The following HERC6 variants were observed in gnomAD, a reference collection of about 807,000 sequenced individuals.
HERC6 encodes the protein probable E3 ubiquitin-protein ligase HERC6.
HERC6 carries 101 observed loss-of-function variants against 114.5 expected under a neutral mutation model. That is an observed-to-expected ratio of 0.88 (90% CI 0.75 to 1.04). The LOEUF (loss-of-function observed/expected upper bound fraction) is 1.04, where lower values mean the gene tolerates loss of function less well. Among genes scored for constraint, HERC6 ranks in the 50% least tolerant of loss-of-function variants. The pLI is 0.00. For missense variants in HERC6, 1,133 were observed against 1,230.9 expected (o/e 0.92, Z 1.19); for synonymous variants, 408 against 436.2 (o/e 0.94, Z 0.81).
At chr4:88,404,726 C>T in intron 8 of HERC6, 150 bp from the exon 9 acceptor site, 1 of 946,082 alleles carries the variant, frequency 1.1e-6, no homozygotes, top group East Asian at 2.9e-5. Context: ...TGGAATAGCC[C>T]TACCGGTCTG....
At chr4:88,379,625 TATATATATATAAAA>T (rs1354070281) in intron 1 of HERC6, among the ~76,000 whole-genome samples, 7 of 128,372 alleles carry the variant, frequency 5.5e-5, no homozygotes, top group African/African-American at 1.5e-4. Flanking sequence ...CATTAAAAAA[TATATATATATAAAA>T]ATATATATAT....
chr4:88,380,414 A>AAT (rs1166979099), intron 1 of HERC6, among the ~76,000 whole-genome samples: 1 of 90,020 alleles, frequency 1.1e-5, no homozygotes, highest in Non-Finnish European at 2.0e-5. Context: ...ATAATATATA[A>AAT]ATATATATAT....
intron 10 of HERC6, among the ~76,000 whole-genome samples, 154 bp downstream of exon 10, chr4:88,405,767 A>G (rs1428503568): frequency 6.6e-6 from 1 of 152,200 alleles, no homozygotes; most frequent in Non-Finnish European, 1.5e-5. Context: ...CTTTCATTTT[A>G]TGAAGTAATT....
chr4:88,407,930 G>A (rs572277739), intron 10 of HERC6, among the ~76,000 whole-genome samples: 1 of 152,282 alleles, frequency 6.6e-6, no homozygotes, highest in Admixed American at 6.5e-5. Context: ...GAAGGCTGGA[G>A]GTTTGACTTG....
rs561027864 is a variant in HERC6 at position 88,408,905 on chromosome 4, G to A, written c.1368+288G>A. Among the ~76,000 whole-genome samples the A allele has an allele frequency of 1.8e-4, 28 of 152,258 alleles. No homozygotes were observed. In the South Asian group the frequency reaches 5.0e-3, roughly 27 times the overall value. ...TTTCAAAGACAGTTTGGTGGGCAGG[G>A]GGCTAGGGTAGGGGGCATGCTGACT... On this transcript the variant is annotated intron_variant, in intron 11 of 22. Coordinates refer to ENST00000264346, the MANE Select transcript of HERC6 (RefSeq NM_017912.4).
At chr4:88,410,369 A>T (rs1007135869) in intron 11 of HERC6, among the ~76,000 whole-genome samples, 2 of 152,320 alleles carry the variant, frequency 1.3e-5, no homozygotes, top group South Asian at 4.1e-4. Flanking sequence ...GGCATCAGAT[A>T]TGCATCTATC....
chr4:88,389,648 A>C (rs1734785861), intron 3 of HERC6, among the ~76,000 whole-genome samples: 1 of 152,244 alleles, frequency 6.6e-6, no homozygotes, highest in East Asian at 1.9e-4. Flanking sequence ...CATTGTTTGA[A>C]GGGACTTTTG....
At chr4:88,416,257 A>G (rs1736465850) in intron 12 of HERC6, among the ~76,000 whole-genome samples, 1 of 152,242 alleles carries the variant, frequency 6.6e-6, no homozygotes, top group Non-Finnish European at 1.5e-5. Flanking sequence ...GTCAATGACC[A>G]TAATTCTGCA....
At chr4:88,417,247 T>A (rs970919981) in intron 12 of HERC6, among the ~76,000 whole-genome samples, 178 bp from the exon 13 acceptor site, 2 of 152,160 alleles carry the variant, frequency 1.3e-5, no homozygotes, top group Non-Finnish European at 2.9e-5. Flanking sequence ...GGGAAAAAAA[T>A]TTCCACATCT....
chr4:88,400,360 C>T (rs1340780666), intron 8 of HERC6, among the ~76,000 whole-genome samples: 1 of 152,150 alleles, frequency 6.6e-6, no homozygotes. Context: ...CACCACAATG[C>T]CCAGCTGGTT....
intron 2 of HERC6, among the ~76,000 whole-genome samples, chr4:88,383,764 A>G (rs1429982057): frequency 2.4e-5 from 1 of 41,376 alleles, no homozygotes; most frequent in Non-Finnish European, 4.7e-5. Flanking sequence ...ACTCAGTCTC[A>G]AAAAAAAAAA....
rs369919146 is a variant in HERC6 at position 88,402,102 on chromosome 4, T to C, written c.1093-2774T>C. The stretch of plus-strand genomic sequence containing the variant: ...AATCATGGACAAACAACAGGGCTAA[T>C]TGATTGGAGATCCAGGCGGACAAAA... On this transcript the variant is annotated intron_variant, in intron 8 of 22. Transcript: ENST00000264346. Among the ~76,000 whole-genome samples the C allele has an allele frequency of 1.3e-4, 20 of 152,246 alleles. No homozygotes were observed. The South Asian group carries it at 3.9e-3, about 30-fold the overall frequency.
At chr4:88,395,964 T>C in intron 5 of HERC6, 51 bp from the exon 6 acceptor site, 1 of 1,525,526 alleles carries the variant, frequency 6.6e-7, no homozygotes, top group South Asian at 1.3e-5. Context: ...AGTAAGCTTT[T>C]AGTTACCTTG....
chr4:88,421,536 C>T (rs987508628), intron 13 of HERC6, among the ~76,000 whole-genome samples: 6 of 151,896 alleles, frequency 4.0e-5, no homozygotes, highest in African/African-American at 1.5e-4. Flanking sequence ...CCACCTCCAC[C>T]TCCCAGGTTC....
intron 13 of HERC6, among the ~76,000 whole-genome samples, chr4:88,421,860 A>G (rs996244604): frequency 1.3e-5 from 2 of 152,162 alleles, no homozygotes; most frequent in Non-Finnish European, 2.9e-5. Context: ...CTTGATGGCT[A>G]ATGATGTTGA....
At chr4:88,390,491 G>T (rs1734850335) in intron 3 of HERC6, among the ~76,000 whole-genome samples, 161 bp from the exon 4 acceptor site, 2 of 152,110 alleles carry the variant, frequency 1.3e-5, no homozygotes, top group African/African-American at 4.8e-5. Context: ...CAATGTATAT[G>T]TATTTCAGCT....
Position 88,378,985 on chromosome 4 carries a change from G to A in HERC6, c.64G>A (p.Gly22Arg), listed in dbSNP as rs1226711692. The stretch of plus-strand genomic sequence containing the variant: ...GCGCCGGAGGACGGCGGGCAGCCCC[G>A]GGGCTGAGCTACTGCAGGCGGCCAG... ...LQRRRTAGSP[G>R]AELLQAASGE... Residue 22 changes from glycine (G) to arginine (R), a missense_variant, in exon 1 of 23, where the codon GGG becomes AGG. By Grantham distance (125) the Gly-to-Arg change is moderately radical. Around this residue, in one of 3 missense-constraint regions of HERC6, gnomAD observed 735 missense variants for 754.0 expected, o/e 0.97. Coordinates refer to ENST00000264346, the MANE Select transcript of HERC6 (RefSeq NM_017912.4). The A allele has an allele frequency of 3.2e-6, 5 of 1,581,552 alleles. No individual in the cohort carries two copies. Among genetic ancestry groups the A allele is most frequent in the East Asian group, 4.7e-5 (2 of 42,976 alleles).
At chr4:88,392,772 C>G (rs780966968) in intron 4 of HERC6, among the ~76,000 whole-genome samples, 1 of 152,152 alleles carries the variant, frequency 6.6e-6, no homozygotes, top group Non-Finnish European at 1.5e-5. Context: ...TTGCAAGTAA[C>G]CTTACTAAAT....
intron 22 of HERC6, 78 bp downstream of exon 22, chr4:88,440,328 T>C (rs1739222112): frequency 1.2e-6 from 1 of 843,120 alleles, no homozygotes; most frequent in South Asian, 1.6e-5. Flanking sequence ...ATGAAGCCAT[T>C]GAAGTGGCCT....
Sources: gnomAD v4.1 joint callset for allele counts (sites outside exome capture counted in the v4.1 genomes callset) on GRCh38, gnomAD v4.1.1 for gene constraint, gnomAD v4.1.1 regional missense constraint, MANE v1.5 for transcripts, NCBI Gene and HGNC (gene_info 2026-07-23, HGNC 2026-07-21) for gene names.